Variants in EVA1A observed in about 807,000 individuals in gnomAD.
EVA1A encodes eva-1 homolog A, regulator of programmed cell death, also known as protein eva-1 homolog A.
A neutral mutation model predicts 9.8 loss-of-function variants in EVA1A; 7 were observed. That is an observed-to-expected ratio of 0.71 (90% CI 0.41 to 1.34). The LOEUF is 1.34. Among genes scored for constraint, EVA1A ranks in the 40% most tolerant of loss-of-function variants. The pLI, the probability that EVA1A is intolerant of heterozygous loss-of-function variation, is 0.01. For missense variants in EVA1A, 206 were observed against 205.9 expected (o/e 1.00, Z 0.00); for synonymous variants, 90 against 85.6 (o/e 1.05, Z -0.28).
At chr2:75,510,000 C>T (rs1674754320) in intron 3 of EVA1A, among the ~76,000 whole-genome samples, 1 of 151,942 alleles carries the variant, frequency 6.6e-6, no homozygotes, top group African/African-American at 2.4e-5. Flanking sequence ...AGCTGGGTGA[C>T]AGGTCTATTA....
intron 3 of EVA1A, among the ~76,000 whole-genome samples, chr2:75,507,360 C>T (rs1309090618): frequency 1.3e-5 from 2 of 152,168 alleles, no homozygotes; most frequent in Non-Finnish European, 2.9e-5. Context: ...CAGCTCTATG[C>T]CTACCAACCA....
chr2:75,548,943 G>A (rs1009689817), intron 1 of EVA1A, among the ~76,000 whole-genome samples: 4 of 147,534 alleles, frequency 2.7e-5, no homozygotes, highest in African/African-American at 1.0e-4. Flanking sequence ...CCACATAGTT[G>A]TTCAAATTAT....
At chr2:75,546,737 T>C (rs1430211488) in intron 1 of EVA1A, among the ~76,000 whole-genome samples, 8 of 152,130 alleles carry the variant, frequency 5.3e-5, no homozygotes, top group African/African-American at 1.9e-4. Flanking sequence ...CCTCAAAATA[T>C]GTCCTTATTT....
chr2:75,520,965 A>G (rs1295472112), intron 2 of EVA1A, among the ~76,000 whole-genome samples: 1 of 152,236 alleles, frequency 6.6e-6, no homozygotes, highest in African/African-American at 2.4e-5. Context: ...TAATATCCAG[A>G]CTGCTACCTA....
At chr2:75,532,958 T>C (rs1226247991) in intron 1 of EVA1A, among the ~76,000 whole-genome samples, 6 of 151,784 alleles carry the variant, frequency 4.0e-5, no homozygotes, top group African/African-American at 1.2e-4. Flanking sequence ...GCCTAGGTAA[T>C]ATGGCAAAAC....
intron 3 of EVA1A, among the ~76,000 whole-genome samples, chr2:75,496,234 G>A (rs932072439): frequency 1.3e-5 from 2 of 152,118 alleles, no homozygotes; most frequent in African/African-American, 4.8e-5. Flanking sequence ...AGCAAGAGAG[G>A]AAGTCAAACT....
intron 1 of EVA1A, among the ~76,000 whole-genome samples, chr2:75,534,157 T>A (rs1675788410): frequency 6.6e-6 from 1 of 152,012 alleles, no homozygotes; most frequent in South Asian, 2.1e-4. Context: ...TAAGATTGCT[T>A]AAGTCCAGGA....
intron 3 of EVA1A, among the ~76,000 whole-genome samples, chr2:75,498,919 AT>A (rs1206686127): frequency 9.2e-5 from 14 of 151,842 alleles, no homozygotes; most frequent in Admixed American, 9.2e-4. Context: ...TTAGATTTAT[AT>A]TTTCCCAGAG....
chr2:75,518,528 C>A (rs980287769), intron 2 of EVA1A: 2 of 895,214 alleles, frequency 2.2e-6, no homozygotes, highest in African/African-American at 1.8e-5. Context: ...TTTGTTCAAG[C>A]GAGCTTCCTG....
In EVA1A at chr2:75,493,397, G is replaced by A. The variant is rs1371288412; in HGVS notation, c.298C>T (p.His100Tyr). 1.2e-6 allele frequency: 2 copies of A among 1,614,260 alleles called. No homozygotes were observed. The highest frequency in any genetic ancestry group is 2.2e-5 in the South Asian group (2 of 91,086). ...DTVSDLSVRR[H>Y]RRFERTLNKN... ...TTCAAAGTCCTCTCGAAGCGGCGGT[G>A]TCTCCGCACGGAGAGATCGGACACG... Residue 100 changes from histidine (H) to tyrosine (Y), a missense_variant, in exon 4 of 4, where the codon CAC becomes TAC. Coordinates refer to ENST00000393913, the MANE Select transcript of EVA1A (RefSeq NM_001135032.2).
chr2:75,533,177 G>A (rs1572974117), intron 1 of EVA1A, among the ~76,000 whole-genome samples: 2 of 147,666 alleles, frequency 1.4e-5, no homozygotes, highest in Admixed American at 6.8e-5. Flanking sequence ...AAAGAAAGAA[G>A]AAAAAAGAAA....
intron 1 of EVA1A, among the ~76,000 whole-genome samples, chr2:75,557,038 C>T (rs1160365725): frequency 6.6e-6 from 1 of 152,128 alleles, no homozygotes; most frequent in Non-Finnish European, 1.5e-5. Flanking sequence ...TTCCCTGGCC[C>T]CTAAAAAACC....
chr2:75,518,662 G>T, intron 2 of EVA1A: 1 of 987,720 alleles, frequency 1.0e-6, no homozygotes, highest in Non-Finnish European at 1.2e-6. Flanking sequence ...CTCTTTATTT[G>T]ATTCTCCCTG....
intron 1 of EVA1A, among the ~76,000 whole-genome samples, chr2:75,527,862 C>T (rs1227147550): frequency 6.6e-6 from 1 of 152,186 alleles, no homozygotes; most frequent in Non-Finnish European, 1.5e-5. Context: ...ATTCACAAAC[C>T]CTTTGAAAGC....
At chr2:75,505,119 C>G (rs759874972) in intron 3 of EVA1A, among the ~76,000 whole-genome samples, 6 of 152,164 alleles carry the variant, frequency 3.9e-5, no homozygotes, top group Non-Finnish European at 7.3e-5. Context: ...CCCTAGAACT[C>G]AACGGACTAG....
chr2:75,546,318 GTC>G (rs1240665643), intron 1 of EVA1A, among the ~76,000 whole-genome samples: 1 of 152,042 alleles, frequency 6.6e-6, no homozygotes, highest in African/African-American at 2.4e-5. Context: ...GCTTAGCATA[GTC>G]CCCAGAATGC....
At position 75,547,688 on chromosome 2, in the gene EVA1A, C is replaced by G. The variant is rs116266082; in HGVS notation, c.-192+12992G>C. 6.6e-3 allele frequency among the ~76,000 whole-genome samples: 998 copies of G among 152,326 alleles called. 12 individuals are homozygous for G. Among genetic ancestry groups the G allele is most frequent in the African/African-American group, 0.022 (907 of 41,568 alleles). On this transcript the variant is annotated intron_variant, in intron 1 of 3. Transcript: ENST00000393913. ...CTTTGGAGCACACCACAAACCATTT[C>G]TCCCCATCGTCCCTTCCTTAAGTTC... is the stretch of plus-strand genomic sequence containing the variant.
chr2:75,501,024 CAAA>C (rs78473697), intron 3 of EVA1A, among the ~76,000 whole-genome samples: 1 of 131,584 alleles, frequency 7.6e-6, no homozygotes. Flanking sequence ...ATTACTTTTA[CAAA>C]AAAAAAAAAA....
chr2:75,546,955 G>C (rs1013533487), intron 1 of EVA1A, among the ~76,000 whole-genome samples: 1 of 147,766 alleles, frequency 6.8e-6, no homozygotes, highest in African/African-American at 2.5e-5. Flanking sequence ...AGCCATTGGA[G>C]AACCCTGGGA....
Sources: allele counts gnomAD v4.1 joint callset (sites outside exome capture counted in the v4.1 genomes callset), GRCh38; gene constraint gnomAD v4.1.1; transcripts MANE v1.5; gene names NCBI Gene and HGNC (gene_info 2026-07-23, HGNC 2026-07-21).